The following KCNU1 variants were observed in gnomAD, a reference collection of about 807,000 sequenced individuals.
The protein encoded by KCNU1 is potassium channel subfamily U member 1.
A neutral mutation model predicts 126.8 loss-of-function variants in KCNU1; 93 were observed. The ratio of observed to expected loss-of-function variants is 0.73; its 90% CI spans 0.62 to 0.87. KCNU1 has a LOEUF of 0.87. KCNU1 is among the 40% of genes least tolerant of loss of function. KCNU1 has a pLI of 0.00. For missense variants in KCNU1, 1,330 were observed against 1,367.1 expected (o/e 0.97, Z 0.43); for synonymous variants, 523 against 494.2 (o/e 1.06, Z -0.77).
intron 22 of KCNU1, 36 bp downstream of exon 22, chr8:36,911,155 C>A (rs374008235): frequency 1.9e-5 from 29 of 1,494,472 alleles, no homozygotes; most frequent in Non-Finnish European, 2.6e-5. Context: ...GAAACTAGGA[C>A]GTATGGAAAA....
intron 2 of KCNU1, among the ~76,000 whole-genome samples, chr8:36,801,431 CT>C (rs113197105): frequency 0.25 from 37,074 of 148,464 alleles, 5,561 homozygotes; most frequent in African/African-American, 0.41. Flanking sequence ...TTGTTTCTAT[CT>C]TTTTTTTTTC....
At chr8:36,807,938 A>T (rs901816970) in intron 6 of KCNU1, among the ~76,000 whole-genome samples, 4 of 152,214 alleles carry the variant, frequency 2.6e-5, no homozygotes, top group Non-Finnish European at 2.9e-5. Flanking sequence ...GTATTTCCAG[A>T]CAATAAGAAC....
intron 26 of KCNU1, among the ~76,000 whole-genome samples, chr8:36,933,510 C>G (rs919862348): frequency 2.0e-5 from 3 of 152,008 alleles, no homozygotes; most frequent in African/African-American, 7.3e-5. Context: ...TAAAGAAAGA[C>G]CACTCTGACA....
intron 2 of KCNU1, 38 bp downstream of exon 2, chr8:36,787,463 T>G: frequency 6.4e-7 from 1 of 1,568,328 alleles, no homozygotes; most frequent in South Asian, 1.2e-5. Context: ...TAACAAACTT[T>G]AGCCATAGGT....
intron 20 of KCNU1, 82 bp downstream of exon 20, chr8:36,905,886 C>T (rs1046519343): frequency 1.5e-6 from 1 of 663,490 alleles, no homozygotes; most frequent in Non-Finnish European, 2.6e-6. Context: ...TCATAAGCAC[C>T]TGTCACTTCC....
intron 7 of KCNU1, among the ~76,000 whole-genome samples, chr8:36,813,664 GTT>G (rs200724035): frequency 2.5e-4 from 35 of 139,310 alleles, no homozygotes; most frequent in Admixed American, 4.5e-4. Context: ...ATTTTTAAAG[GTT>G]TTTTTAAAAA....
intron 21 of KCNU1, among the ~76,000 whole-genome samples, chr8:36,910,228 G>A (rs748703619): frequency 1.3e-5 from 2 of 152,088 alleles, no homozygotes; most frequent in African/African-American, 4.8e-5. Context: ...AAAAACCGTG[G>A]TTACTTTTGC....
At chr8:36,816,628 G>A (rs1409776346) in intron 9 of KCNU1, among the ~76,000 whole-genome samples, 1 of 146,536 alleles carries the variant, frequency 6.8e-6, no homozygotes, top group Admixed American at 7.0e-5. Flanking sequence ...TACTAAATCA[G>A]TCAATAGGTC....
At chr8:36,934,670 G>A (rs1463686603) in intron 26 of KCNU1, among the ~76,000 whole-genome samples, 2 of 152,136 alleles carry the variant, frequency 1.3e-5, no homozygotes, top group Admixed American at 6.6e-5. Flanking sequence ...ATACAAGTGG[G>A]TAGGTTATTC....
At chr8:36,840,394 T>A (rs1804903730) in intron 14 of KCNU1, 69 bp from the exon 15 acceptor site, 1 of 743,054 alleles carries the variant, frequency 1.3e-6, no homozygotes, top group East Asian at 2.6e-5. Flanking sequence ...TAGCAGAATA[T>A]GCAATGTGAA....
At chr8:36,900,776 G>T (rs1037033087) in intron 19 of KCNU1, among the ~76,000 whole-genome samples, 4 of 152,032 alleles carry the variant, frequency 2.6e-5, no homozygotes, top group African/African-American at 9.7e-5. Flanking sequence ...GCTAGAACTT[G>T]ACTATTATGC....
At chr8:36,794,962 A>T (rs569378864) in intron 2 of KCNU1, among the ~76,000 whole-genome samples, 5 of 152,192 alleles carry the variant, frequency 3.3e-5, no homozygotes, top group African/African-American at 1.2e-4. Flanking sequence ...AAACAAAAAC[A>T]TAAGAAATGA....
chr8:36,842,338 T>A (rs1804987464), intron 16 of KCNU1, among the ~76,000 whole-genome samples: 1 of 152,222 alleles, frequency 6.6e-6, no homozygotes, highest in Non-Finnish European at 1.5e-5. Context: ...CTGTCTGAGT[T>A]GACAGGATAT....
At chr8:36,787,196 G>A (rs1802736513) in intron 1 of KCNU1, 110 bp from the exon 2 acceptor site, 3 of 917,394 alleles carry the variant, frequency 3.3e-6, no homozygotes, top group Non-Finnish European at 4.6e-6. Context: ...TGGACAAGGT[G>A]GAGTGATTTT....
At chr8:36,851,814 G>T (rs1805358667) in intron 18 of KCNU1, among the ~76,000 whole-genome samples, 1 of 152,084 alleles carries the variant, frequency 6.6e-6, no homozygotes, top group Non-Finnish European at 1.5e-5. Context: ...CTTATATCAT[G>T]CAACCTCACT....
Position 36,935,736 on chromosome 8 carries a change from T to C in KCNU1, c.3266T>C (p.Val1089Ala), listed in dbSNP as rs1290997390. 1.2e-6 allele frequency: 2 copies of C among 1,613,380 alleles called. No homozygotes were observed. The highest frequency in any genetic ancestry group is 1.7e-6 in the Non-Finnish European group (2 of 1,179,538). ...DSVTETLYSPVYSYQPRTNSL... is the reference protein window; with the variant it reads ...DSVTETLYSPAYSYQPRTNSL... ...GTTACTGAGACATTGTATTCACCAG[T>C]CTATTCTTACCAGCCGAGAACTAAC... is the stretch of plus-strand genomic sequence containing the variant. Residue 1089 changes from valine to alanine, a missense_variant, in exon 27 of 27, where the codon GTC becomes GCC. This residue lies in a region of KCNU1 where 1,054 missense variants were observed against 1,053.9 expected (regional missense o/e 1.00). Coordinates refer to ENST00000399881, the MANE Select transcript of KCNU1 (RefSeq NM_001031836.3).
intron 19 of KCNU1, among the ~76,000 whole-genome samples, chr8:36,899,840 C>T (rs1052256340): frequency 7.2e-5 from 11 of 152,128 alleles, no homozygotes; most frequent in Non-Finnish European, 1.5e-4. Context: ...CCTCCTCTTC[C>T]TCCCAGAGAG....
intron 19 of KCNU1, among the ~76,000 whole-genome samples, chr8:36,870,852 C>T (rs1806075905): frequency 6.6e-6 from 1 of 152,142 alleles, no homozygotes; most frequent in Non-Finnish European, 1.5e-5. Flanking sequence ...TGGAAATCTA[C>T]ATTCACTTAA....
intron 19 of KCNU1, among the ~76,000 whole-genome samples, chr8:36,899,531 T>C (rs1262680892): frequency 6.6e-6 from 1 of 152,102 alleles, no homozygotes; most frequent in African/African-American, 2.4e-5. Context: ...TTTACAGATG[T>C]TTTTTAAATC....
Sources: gnomAD v4.1 joint callset for allele counts (sites outside exome capture counted in the v4.1 genomes callset) on GRCh38, gnomAD v4.1.1 for gene constraint, gnomAD v4.1.1 regional missense constraint, MANE v1.5 for transcripts, NCBI Gene and HGNC (gene_info 2026-07-23, HGNC 2026-07-21) for gene names.